The following ZNF445 variants were observed in gnomAD, a reference collection of about 807,000 sequenced individuals.
The protein encoded by ZNF445 is zinc finger protein 445, also known as zinc finger protein 168.
ZNF445 carries 19 observed loss-of-function variants against 93.9 expected under a neutral mutation model. The observed-to-expected ratio is 0.20, with a 90% CI of 0.14 to 0.30. The LOEUF is 0.30. Ranked by LOEUF, ZNF445 falls within the 10% of genes least tolerant of loss-of-function variation. The pLI, the probability that ZNF445 is intolerant of heterozygous loss-of-function variation, is 1.00. For missense variants in ZNF445, 1,058 were observed against 1,259.4 expected, an observed-to-expected ratio of 0.84 and a Z score of 2.42; for synonymous variants, 449 against 446.3, an observed-to-expected ratio of 1.01 and a Z score of -0.08.
rs1033198164 is a variant in ZNF445 at position 44,437,169 on chromosome 3, G to A, written c.*9406C>T. ...AGGGTAACTTCCTGATGTTGCCATG[G>A]CAACTGTAAACTGTCATGGCACTGG... On this transcript the variant is annotated 3_prime_UTR_variant, in exon 8 of 8. Transcript: ENST00000396077. The A allele has an allele frequency of 6.6e-6, 1 of 152,162 alleles. No homozygotes were observed. The highest frequency in any genetic ancestry group is 2.4e-5 in the African/African-American group (1 of 41,444). 9.4% of individuals were successfully genotyped at this position (152,162 alleles called of 1,614,324 possible).
chr3:44,461,575 T>C (rs1698114716), intron 1 of ZNF445, among the ~76,000 whole-genome samples: 2 of 152,162 alleles, frequency 1.3e-5, no homozygotes, highest in Non-Finnish European at 2.9e-5. Context: ...TTGGGGTGAC[T>C]ATCTGCTCTT....
chr3:44,441,153 T>C lies in ZNF445; in HGVS notation c.*5422A>G, dbSNP rs1697805409. 1 of 152,208 alleles carries C rather than the reference T, an allele frequency of 6.6e-6. No homozygotes were observed. Among genetic ancestry groups the C allele is most frequent in the African/African-American group, 2.4e-5 (1 of 41,442 alleles). 9.4% of individuals were successfully genotyped at this position (152,208 alleles called of 1,614,324 possible). A position where few individuals can be genotyped will look rare whatever the true frequency, so the allele number is the denominator to read the frequency against. On this transcript the variant is annotated 3_prime_UTR_variant, in exon 8 of 8. Coordinates refer to ENST00000396077, the MANE Select transcript of ZNF445 (RefSeq NM_181489.6). ...TGGTCTCAATCTCCTGACCTCATAATCCGCCCGCCTTGGCCTCCCAAAGTG... is the reference window on the plus strand; with the variant it reads ...TGGTCTCAATCTCCTGACCTCATAACCCGCCCGCCTTGGCCTCCCAAAGTG...
rs535680932 is a variant in ZNF445 at position 44,434,327 on chromosome 3, C to T, written c.*12248G>A. 1.5e-3 allele frequency: 235 copies of T among 151,686 alleles called. 1 individual carries two copies. The highest frequency in any genetic ancestry group is 5.5e-3 in the African/African-American group (229 of 41,320). The allele number at this position is 151,686 out of a possible 1,614,324, so 9.4% of individuals were successfully genotyped here. ...CCAACAGGCTGAGGAAGCAGCTTCACTTGTACCCAGGAGGTGCAGGTTGCA... is the reference window on the plus strand; with the variant it reads ...CCAACAGGCTGAGGAAGCAGCTTCATTTGTACCCAGGAGGTGCAGGTTGCA... On this transcript the variant is annotated 3_prime_UTR_variant, in exon 8 of 8. Coordinates refer to ENST00000396077, the MANE Select transcript of ZNF445 (RefSeq NM_181489.6).
At chr3:44,462,673 GA>G (rs947914621) in intron 1 of ZNF445, among the ~76,000 whole-genome samples, 4 of 145,450 alleles carry the variant, frequency 2.8e-5, no homozygotes, top group South Asian at 2.2e-4. Context: ...TCTAAATCTT[GA>G]AAAAAAAAGA....
intron 3 of ZNF445, among the ~76,000 whole-genome samples, chr3:44,453,409 C>T (rs756739495): frequency 1.8e-4 from 28 of 151,976 alleles, no homozygotes; most frequent in Non-Finnish European, 1.9e-4. Flanking sequence ...ATTCTCCTGC[C>T]TCAGCCTCCT....
Position 44,445,027 on chromosome 3 carries a change from G to A in ZNF445, c.*1548C>T, listed in dbSNP as rs114074054. On this transcript the variant is annotated 3_prime_UTR_variant, in exon 8 of 8. Transcript: ENST00000396077. ...GCTTTTTGCTTCAACACAAGTGGGT[G>A]GGCCAGTGAGGGAGCTCCTCCCAGA... 1 of 152,312 alleles carries A rather than the reference G, an allele frequency of 6.6e-6. No individual in the cohort carries two copies. Among genetic ancestry groups the A allele is most frequent in the Non-Finnish European group, 1.5e-5 (1 of 68,030 alleles). 9.4% of individuals were successfully genotyped at this position (152,312 alleles called of 1,614,324 possible).
intron 2 of ZNF445, among the ~76,000 whole-genome samples, chr3:44,456,936 T>C (rs1244023526): frequency 6.6e-6 from 1 of 152,212 alleles, no homozygotes; most frequent in Non-Finnish European, 1.5e-5. Flanking sequence ...GAGAACAGCC[T>C]GGCCAACATG....
rs1224348274 is a variant in ZNF445, at chr3:44,451,442, C to G, written c.470G>C (p.Gly157Ala). ...CTGTGCAGATCGCAGGGCTCCTGTA[C>G]CCATCCAATGCACATCTGGGCTCTG... ...PAQSPDVHWM[G>A]TGALRSAQIW... is the part of the protein sequence containing the mutation. Residue 157 changes from glycine (G) to alanine (A), a missense_variant, in exon 4 of 8, where the codon GGT becomes GCT. Physicochemically the swap from Gly to Ala is moderately conservative, Grantham distance 60 (BLOSUM62 0). Transcript: ENST00000396077. 1.2e-6 allele frequency: 2 copies of G among 1,613,048 alleles called. No homozygotes were observed. Among genetic ancestry groups the G allele is most frequent in the Non-Finnish European group, 1.7e-6 (2 of 1,179,290 alleles).
At position 44,433,236 on chromosome 3, in the gene ZNF445, C is replaced by T. The variant is rs572146835; in HGVS notation, c.*13339G>A. ...TCAAACGATTCTCCTGTCTCAGCCT[C>T]CCCAGTAGCTGGGATTTACAGGTGC... is the stretch of plus-strand genomic sequence containing the variant. On this transcript the variant is annotated 3_prime_UTR_variant, in exon 8 of 8. Coordinates refer to ENST00000396077, the MANE Select transcript of ZNF445 (RefSeq NM_181489.6). 1.3e-5 allele frequency: 2 copies of T among 152,200 alleles called. No individual in the cohort carries two copies. The highest frequency in any genetic ancestry group is 3.9e-4 in the East Asian group (2 of 5,164). 9.4% of individuals were successfully genotyped at this position (152,200 alleles called of 1,614,324 possible).
intron 1 of ZNF445, among the ~76,000 whole-genome samples, chr3:44,472,740 G>C (rs1217415576): frequency 1.3e-5 from 2 of 152,186 alleles, no homozygotes; most frequent in African/African-American, 4.8e-5. Flanking sequence ...ATGAAATTCA[G>C]GTATCTTAAT....
At chr3:44,449,982 C>T (rs1697934621) in intron 6 of ZNF445, 1 of 297,022 alleles carries the variant, frequency 3.4e-6, no homozygotes, top group Admixed American at 4.8e-5. Context: ...ACTCTGTTAC[C>T]CAAGCTGGAG....
In ZNF445 at chr3:44,444,513, C is replaced by T. The variant is rs1559388867; in HGVS notation, c.*2062G>A. The T allele has an allele frequency of 6.6e-6, 1 of 152,270 alleles. No homozygotes were observed. The allele number at this position is 152,270 out of a possible 1,614,324, so 9.4% of individuals were successfully genotyped here. Reference sequence around the variant, plus strand: ...ACCCAGATCTGATGACTCCAAGACCCTTCCTATGACTCTGGCCCCCCTGCC... The same window carrying T: ...ACCCAGATCTGATGACTCCAAGACCTTTCCTATGACTCTGGCCCCCCTGCC... On this transcript the variant is annotated 3_prime_UTR_variant, in exon 8 of 8. Transcript: ENST00000396077.
At position 44,450,582 on chromosome 3, in the gene ZNF445, A is replaced by C; in HGVS notation, c.694-9T>G. On this transcript the variant is annotated splice_polypyrimidine_tract_variant and intron_variant, in intron 5 of 7. Coordinates refer to ENST00000396077, the MANE Select transcript of ZNF445 (RefSeq NM_181489.6). Reference sequence around the variant, plus strand: ...TTGAAAGTCATGGTCTCCTGAAAAAACACTGTGCCCTAGAGCTGGTCCACA... The same window carrying C: ...TTGAAAGTCATGGTCTCCTGAAAAACCACTGTGCCCTAGAGCTGGTCCACA... The C allele has an allele frequency of 6.2e-7, 1 of 1,613,228 alleles. No individual in the cohort carries two copies. The highest frequency in any genetic ancestry group is 8.5e-7 in the Non-Finnish European group (1 of 1,179,580).
intron 3 of ZNF445, among the ~76,000 whole-genome samples, chr3:44,454,614 A>G (rs925300458): frequency 3.3e-5 from 5 of 152,166 alleles, no homozygotes; most frequent in African/African-American, 1.2e-4. Context: ...TTTTGTAGAA[A>G]CAGGGTTTTG....
rs779802386 is a variant in ZNF445 at position 44,448,695 on chromosome 3, C to T, written c.976G>A (p.Glu326Lys). 6.2e-7 allele frequency: 1 copy of T among 1,613,480 alleles called. No individual in the cohort carries two copies. Among genetic ancestry groups the T allele is most frequent in the South Asian group, 1.1e-5 (1 of 90,886 alleles). ...AAGGTTTCTGCTTCTTCCAAAGGTT[C>T]CTGATTTAAGATGAATTTGTTTGTT... ...SKTNKFILNQ[E>K]PLEEAETLAV... Residue 326 changes from glutamate to lysine, a missense_variant, in exon 8 of 8, where the codon GAA becomes AAA. By Grantham distance (56) the Glu-to-Lys change is moderately conservative. Transcript: ENST00000396077.
chr3:44,472,390 C>T (rs761570430), intron 1 of ZNF445, among the ~76,000 whole-genome samples: 8 of 152,068 alleles, frequency 5.3e-5, no homozygotes, highest in South Asian at 2.1e-4. Context: ...TGGAGGAGGA[C>T]GGGGGAACAA....
intron 1 of ZNF445, among the ~76,000 whole-genome samples, chr3:44,474,031 T>C (rs1441172019): frequency 6.6e-6 from 1 of 152,218 alleles, no homozygotes; most frequent in Non-Finnish European, 1.5e-5. Flanking sequence ...ACAGTAGTCA[T>C]TGCTGCAGGC....
rs890863446 is a variant in ZNF445 at position 44,438,058 on chromosome 3, T to C, written c.*8517A>G. ...CATGGAGTTGCTCTCGTTCCAATGC[T>C]TCTGACGCTATCTCTACAGATTCCC... On this transcript the variant is annotated 3_prime_UTR_variant, in exon 8 of 8. Coordinates refer to ENST00000396077, the MANE Select transcript of ZNF445 (RefSeq NM_181489.6). 3.3e-5 allele frequency: 5 copies of C among 152,294 alleles called. No individual in the cohort carries two copies. The highest frequency in any genetic ancestry group is 4.8e-5 in the African/African-American group (2 of 41,432). The allele number at this position is 152,294 out of a possible 1,614,324, so 9.4% of individuals were successfully genotyped here. A position where few individuals can be genotyped will look rare whatever the true frequency, so the allele number is the denominator to read the frequency against.
rs200772999 is a variant in ZNF445 at position 44,447,959 on chromosome 3, A to C, written c.1712T>G (p.Leu571Trp). The change falls in exon 8 of 8, where the codon TTG becomes TGG. Residue 571 changes from leucine to tryptophan, a missense_variant. Transcript: ENST00000396077. This position sits in a 1 kb window ranked among gnomAD's most constrained non-coding sequence, Gnocchi z 4.7. ...GGTGAGAGCTGCCCTATACTGATTC[A>C]ATTCAAGAAATTTCTTCTTAGCATG... ...ETHAKKKFLE[L>W]NQYRAALTYS... The C allele has an allele frequency of 2.7e-5, 43 of 1,612,592 alleles. No homozygotes were observed. Among genetic ancestry groups the C allele is most frequent in the Middle Eastern group, 1.6e-4 (1 of 6,082 alleles).
Sources: allele counts gnomAD v4.1 joint callset (sites outside exome capture counted in the v4.1 genomes callset), GRCh38; gene constraint gnomAD v4.1.1; non-coding constraint Gnocchi (gnomAD v3.1); transcripts MANE v1.5; gene names NCBI Gene and HGNC (gene_info 2026-07-23, HGNC 2026-07-21).